ADAMTS18: variants seen among roughly 807,000 people sequenced by gnomAD.
The protein encoded by ADAMTS18 is ADAM metallopeptidase with thrombospondin type 1 motif 18.
In ADAMTS18, 157 loss-of-function variants were observed where a neutral mutation model predicts 165.9. The ratio of observed to expected loss-of-function variants is 0.95; its 90% CI spans 0.83 to 1.08. The LOEUF is 1.08. Among genes scored for constraint, ADAMTS18 ranks in the 50% least tolerant of loss-of-function variants. The probability of loss-of-function intolerance (pLI) is 0.00; values close to 1 mark genes in which losing one functional copy is unlikely to be tolerated. For missense variants in ADAMTS18, 2,040 were observed against 1,534.0 expected (o/e 1.33, Z -5.51); for synonymous variants, 782 against 578.2 (o/e 1.35, Z -5.06).
chr16:77,372,312 C>T (rs1042407689), intron 3 of ADAMTS18, among the ~76,000 whole-genome samples: 1 of 152,212 alleles, frequency 6.6e-6, no homozygotes, highest in Non-Finnish European at 1.5e-5. Context: ...GAGATATCTG[C>T]ACTCCAGTGT....
intron 16 of ADAMTS18, among the ~76,000 whole-genome samples, chr16:77,303,141 G>C (rs1374902966): frequency 6.6e-6 from 1 of 152,100 alleles, no homozygotes; most frequent in Non-Finnish European, 1.5e-5. Flanking sequence ...ACTACACACT[G>C]ATTCCATCTC....
At chr16:77,322,238 C>T in intron 14 of ADAMTS18, 98 bp downstream of exon 14, 1 of 1,445,858 alleles carries the variant, frequency 6.9e-7, no homozygotes, top group Admixed American at 1.7e-5. Context: ...ACCTGCTCTT[C>T]TCCAGACACA....
chr16:77,351,717 G>C (rs1285907581), intron 10 of ADAMTS18, among the ~76,000 whole-genome samples: 9 of 152,024 alleles, frequency 5.9e-5, no homozygotes, highest in Non-Finnish European at 1.2e-4. Flanking sequence ...CAGGAAAATA[G>C]AACAGTCTGT....
chr16:77,397,099 ACGGC>A (rs2057268061), intron 3 of ADAMTS18, among the ~76,000 whole-genome samples: 1 of 152,190 alleles, frequency 6.6e-6, no homozygotes, highest in Non-Finnish European at 1.5e-5. Flanking sequence ...GTGAGCCACC[ACGGC>A]CGGCCTGGAT....
chr16:77,282,906 C>CTTTTTTTTTTT lies in ADAMTS18; in HGVS notation c.*1039_*1049dup, dbSNP rs1555507097. 35 of 77,576 alleles carry CTTTTTTTTTTT rather than the reference C, an allele frequency of 4.5e-4. No individual in the cohort carries two copies. The highest frequency in any genetic ancestry group is 9.7e-4 in the African/African-American group (24 of 24,640). The allele number at this position is 77,576 out of a possible 1,614,324, so 4.8% of individuals were successfully genotyped here. On this transcript the variant is annotated 3_prime_UTR_variant, in exon 23 of 23. Coordinates refer to ENST00000282849, the MANE Select transcript of ADAMTS18 (RefSeq NM_199355.4). ...CCACTGTTTACTCCTTTCTTTCTCTCTTTTTTTTTTTTTTTTTTTTGCTGT... is the reference window on the plus strand; with the variant it reads ...CCACTGTTTACTCCTTTCTTTCTCTCTTTTTTTTTTTTTTTTTTTTTTTTTTTTTTTGCTGT...
chr16:77,364,803 A>C (rs1235501975), intron 4 of ADAMTS18, among the ~76,000 whole-genome samples: 1 of 151,942 alleles, frequency 6.6e-6, no homozygotes, highest in Non-Finnish European at 1.5e-5. Flanking sequence ...AAAGGAAAGA[A>C]AAGAAGAGAA....
At chr16:77,423,690 T>C (rs1380837026) in intron 3 of ADAMTS18, among the ~76,000 whole-genome samples, 1 of 152,160 alleles carries the variant, frequency 6.6e-6, no homozygotes, top group Non-Finnish European at 1.5e-5. Context: ...CATGAATTGA[T>C]GCAAATCATT....
chr16:77,289,477 GA>G lies in ADAMTS18; in HGVS notation c.3403-67del, dbSNP rs2055322246. On this transcript the variant is annotated intron_variant, in intron 21 of 22. Transcript: ENST00000282849. ...TGAGGTCAGTGACATCAAACAGAAG[GA>G]ATTCCCATGCTTCATGACATTAACA... 8 of 1,568,716 alleles carry G rather than the reference GA, an allele frequency of 5.1e-6. No individual in the cohort carries two copies. In the South Asian group the frequency reaches 8.9e-5, roughly 17 times the overall value.
intron 3 of ADAMTS18, among the ~76,000 whole-genome samples, chr16:77,430,049 C>T (rs956111008): frequency 3.3e-5 from 5 of 152,066 alleles, no homozygotes; most frequent in Non-Finnish European, 7.4e-5. Context: ...TAAGCCACTA[C>T]GGTGGGTTGT....
intron 3 of ADAMTS18, among the ~76,000 whole-genome samples, chr16:77,387,929 C>G (rs552369340): frequency 1.3e-5 from 2 of 152,320 alleles, no homozygotes; most frequent in South Asian, 4.1e-4. Flanking sequence ...CTCCTGTATT[C>G]TCTATGGCGC....
chr16:77,371,761 A>C (rs1380191163), intron 3 of ADAMTS18, among the ~76,000 whole-genome samples: 2 of 152,296 alleles, frequency 1.3e-5, no homozygotes, highest in South Asian at 2.1e-4. Flanking sequence ...AAAAGCAAAA[A>C]CAGAGAAATG....
chr16:77,394,351 A>G (rs1465021489), intron 3 of ADAMTS18, among the ~76,000 whole-genome samples: 2 of 152,188 alleles, frequency 1.3e-5, no homozygotes, highest in Non-Finnish European at 2.9e-5. Flanking sequence ...TTTCAGTTAT[A>G]TATCCTCTCC....
At chr16:77,379,152 G>A (rs1342652827) in intron 3 of ADAMTS18, among the ~76,000 whole-genome samples, 1 of 152,200 alleles carries the variant, frequency 6.6e-6, no homozygotes, top group African/African-American at 2.4e-5. Context: ...AGTGACCAAT[G>A]GCAAGGAAAT....
intron 3 of ADAMTS18, among the ~76,000 whole-genome samples, chr16:77,411,379 T>C (rs1418890732): frequency 6.6e-6 from 1 of 152,236 alleles, no homozygotes; most frequent in East Asian, 1.9e-4. Flanking sequence ...CATATTGCTT[T>C]CTGGATACTC....
At chr16:77,419,835 C>A (rs1017661644) in intron 3 of ADAMTS18, among the ~76,000 whole-genome samples, 1 of 151,640 alleles carries the variant, frequency 6.6e-6, no homozygotes, top group African/African-American at 2.4e-5. Context: ...CCCGTCTCTA[C>A]TAAAAATAGA....
intron 19 of ADAMTS18, among the ~76,000 whole-genome samples, chr16:77,293,765 C>G (rs2055413685): frequency 6.7e-6 from 1 of 148,614 alleles, no homozygotes. Flanking sequence ...AACATGCATC[C>G]TAGATCCGTC....
At position 77,319,913 on chromosome 16, in the gene ADAMTS18, C is replaced by T. The variant is rs189744529; in HGVS notation, c.2468G>A (p.Arg823His). The T allele has an allele frequency of 5.6e-6, 9 of 1,614,012 alleles. No individual in the cohort carries two copies. The East Asian group carries it at 8.9e-5, about 16-fold the overall frequency. The change falls in exon 16 of 23, where the codon CGC (arginine) becomes CAC (histidine). Residue 823 changes from arginine to histidine, a missense_variant. Transcript: ENST00000282849. ...CAGACGTTCCGGGCGGTTGAAAGAG[C>T]GCTGGTATTCAAACGTGGTCCCAGC... ...PFAGTTFEYQ[R>H]SFNRPERLYA...
At chr16:77,393,487 A>G (rs1043969196) in intron 3 of ADAMTS18, among the ~76,000 whole-genome samples, 4 of 152,322 alleles carry the variant, frequency 2.6e-5, no homozygotes, top group African/African-American at 7.2e-5. Context: ...TTGAAACCCA[A>G]TCACCAAGAT....
intron 22 of ADAMTS18, among the ~76,000 whole-genome samples, chr16:77,285,929 C>G (rs1410819889): frequency 2.0e-5 from 3 of 152,188 alleles, no homozygotes; most frequent in African/African-American, 7.2e-5. Context: ...AACCTGCACT[C>G]CTTTCACCTT....
Sources: gnomAD v4.1 joint callset for allele counts (sites outside exome capture counted in the v4.1 genomes callset) on GRCh38, gnomAD v4.1.1 for gene constraint, MANE v1.5 for transcripts, NCBI Gene and HGNC (gene_info 2026-07-23, HGNC 2026-07-21) for gene names.